LRMDA: variants seen among roughly 807,000 people sequenced by gnomAD.
LRMDA encodes leucine-rich melanocyte differentiation-associated protein.
LRMDA carries 18 observed loss-of-function variants against 29.8 expected under a neutral mutation model. The observed-to-expected ratio is 0.60, with a 90% CI of 0.42 to 0.90. LRMDA has a LOEUF of 0.90. Ranked by LOEUF, LRMDA falls within the 40% of genes least tolerant of loss-of-function variation. The probability of loss-of-function intolerance (pLI) is 0.00; values close to 1 mark genes in which losing one functional copy is unlikely to be tolerated. For synonymous variants in LRMDA, 125 were observed against 109.4 expected (o/e 1.14, Z -0.89); for missense variants, 273 against 273.9 (o/e 1.00, Z 0.02).
intron 5 of LRMDA, among the ~76,000 whole-genome samples, chr10:76,069,066 C>A (rs560456609): frequency 3.9e-5 from 6 of 152,340 alleles, no homozygotes; most frequent in Non-Finnish European, 8.8e-5. Flanking sequence ...TCCAAGTTCC[C>A]AGACAGCTGT....
At chr10:76,172,314 T>G (rs936542403) in intron 5 of LRMDA, among the ~76,000 whole-genome samples, 2 of 152,130 alleles carry the variant, frequency 1.3e-5, no homozygotes, top group African/African-American at 4.8e-5. Flanking sequence ...GGACAATAGG[T>G]AGCACAGAAC....
chr10:75,495,869 C>T (rs2132064768), intron 2 of LRMDA, among the ~76,000 whole-genome samples: 1 of 152,290 alleles, frequency 6.6e-6, no homozygotes, highest in Admixed American at 6.5e-5. Context: ...TCCCCAAGCT[C>T]TAGGAAAGAC....
At chr10:75,624,971 A>AC (rs769444998) in intron 2 of LRMDA, among the ~76,000 whole-genome samples, 3 of 152,232 alleles carry the variant, frequency 2.0e-5, no homozygotes, top group Non-Finnish European at 4.4e-5. Flanking sequence ...GTAAAGAGTC[A>AC]CAAGACCAAG....
intron 2 of LRMDA, among the ~76,000 whole-genome samples, chr10:75,578,190 G>A (rs1840532588): frequency 2.8e-5 from 2 of 70,404 alleles, no homozygotes; most frequent in South Asian, 1.3e-3. Context: ...AGGGATGGAG[G>A]TATATTTACC....
At chr10:75,600,444 ATCC>A (rs1311266628) in intron 2 of LRMDA, among the ~76,000 whole-genome samples, 1 of 152,194 alleles carries the variant, frequency 6.6e-6, no homozygotes, top group African/African-American at 2.4e-5. Flanking sequence ...CAGATACATC[ATCC>A]TCCTCTTGCC....
chr10:75,661,266 C>T lies in LRMDA; in HGVS notation c.131+222772C>T, dbSNP rs142894945. 5.5e-3 allele frequency among the ~76,000 whole-genome samples: 844 copies of T among 152,276 alleles called. 42 individuals are homozygous for T. Among genetic ancestry groups the T allele is most frequent in the Non-Finnish European group, 9.7e-4 (66 of 68,024 alleles). On this transcript the variant is annotated intron_variant, in intron 2 of 6. Transcript: ENST00000611255. ...TCTGCTAGGGTTTTACAGACCTGCA[C>T]GCCTCGACTCTCGAAGGATCCCAAC...
At chr10:76,477,430 T>C (rs1564552475) in intron 6 of LRMDA, among the ~76,000 whole-genome samples, 2 of 152,068 alleles carry the variant, frequency 1.3e-5, no homozygotes, top group South Asian at 4.1e-4. Context: ...GAATATTCCA[T>C]GCTCATGGAT....
intron 2 of LRMDA, among the ~76,000 whole-genome samples, chr10:75,904,078 C>T (rs530721176): frequency 6.6e-6 from 1 of 152,322 alleles, no homozygotes; most frequent in South Asian, 2.1e-4. Context: ...GGATGCTGTA[C>T]AGTGGAGGCA....
At chr10:76,458,067 T>A (rs943730770) in intron 6 of LRMDA, among the ~76,000 whole-genome samples, 2 of 152,028 alleles carry the variant, frequency 1.3e-5, no homozygotes, top group Non-Finnish European at 2.9e-5. Context: ...AAATGCATCA[T>A]TTTTTAGGCC....
At chr10:76,037,626 A>G (rs537317454) in intron 3 of LRMDA, among the ~76,000 whole-genome samples, 1 of 152,294 alleles carries the variant, frequency 6.6e-6, no homozygotes, top group East Asian at 1.9e-4. Flanking sequence ...TCAGGATGCC[A>G]GCAGGGTTGG....
At chr10:75,650,702 CT>C in intron 2 of LRMDA, among the ~76,000 whole-genome samples, 1 of 152,132 alleles carries the variant, frequency 6.6e-6, no homozygotes, top group East Asian at 1.9e-4. Context: ...TCTTTCAAGT[CT>C]TTAAAAGGAA....
intron 2 of LRMDA, among the ~76,000 whole-genome samples, chr10:75,713,701 T>G (rs1353221465): frequency 6.6e-6 from 1 of 152,128 alleles, no homozygotes; most frequent in Non-Finnish European, 1.5e-5. Context: ...AGTTTGAGAG[T>G]CTTCTTTTCC....
chr10:75,972,096 G>C (rs1415266004), intron 2 of LRMDA, among the ~76,000 whole-genome samples: 1 of 152,188 alleles, frequency 6.6e-6, no homozygotes, highest in Non-Finnish European at 1.5e-5. Flanking sequence ...CGCTTCAGCT[G>C]TTTTCTGAAT....
Position 75,554,013 on chromosome 10 carries a change from C to A in LRMDA, c.131+115519C>A, listed in dbSNP as rs1840185298. On this transcript the variant is annotated intron_variant, in intron 2 of 6. Transcript: ENST00000611255. The stretch of plus-strand genomic sequence containing the variant: ...TTCTTTTTATTTACTTTTTTGATGG[C>A]TACCTTTTCAATCTGTCCTCTGCTA... 5.3e-5 allele frequency among the ~76,000 whole-genome samples: 8 copies of A among 152,188 alleles called. No homozygotes were observed. In the South Asian group the frequency reaches 1.5e-3, roughly 28 times the overall value.
At chr10:76,467,882 T>TA (rs1356194096) in intron 6 of LRMDA, among the ~76,000 whole-genome samples, 1 of 152,224 alleles carries the variant, frequency 6.6e-6, no homozygotes. Flanking sequence ...CTGAGAAAGT[T>TA]ACTATCCCTT....
At chr10:76,081,325 T>C (rs1378980942) in intron 5 of LRMDA, among the ~76,000 whole-genome samples, 4 of 152,180 alleles carry the variant, frequency 2.6e-5, no homozygotes, top group South Asian at 2.1e-4. Flanking sequence ...AATACAAAAA[T>C]TAGCCGGGTG....
chr10:75,747,086 G>C (rs1291462494), intron 2 of LRMDA, among the ~76,000 whole-genome samples: 1 of 151,774 alleles, frequency 6.6e-6, no homozygotes, highest in African/African-American at 2.4e-5. Flanking sequence ...TTTAATATGG[G>C]GAAAAACAAC....
chr10:76,032,018 G>A (rs762680996), intron 2 of LRMDA, among the ~76,000 whole-genome samples: 16 of 152,220 alleles, frequency 1.1e-4, no homozygotes, highest in Non-Finnish European at 2.2e-4. Flanking sequence ...TGATCCAGGG[G>A]TTCTGGAAGT....
chr10:75,752,208 CTTTTTTTTTTT>C (rs780364065), intron 2 of LRMDA, among the ~76,000 whole-genome samples: 5 of 113,136 alleles, frequency 4.4e-5, no homozygotes, highest in African/African-American at 1.7e-4. Flanking sequence ...TAACGTGTCT[CTTTTTTTTTTT>C]TTTTTTTTTT....
Sources: gnomAD v4.1 joint callset for allele counts (sites outside exome capture counted in the v4.1 genomes callset) on GRCh38, gnomAD v4.1.1 for gene constraint, MANE v1.5 for transcripts, NCBI Gene and HGNC (gene_info 2026-07-23, HGNC 2026-07-21) for gene names.